The following DCPH1 variants were observed in gnomAD, a reference collection of about 807,000 sequenced individuals.
The protein encoded by DCPH1 is damage-control phosphatase 1.
At chr6:151,463,861 C>T in the DCPH1 span, among the ~76,000 whole-genome samples, 1 of 152,248 alleles carries the variant, frequency 6.6e-6, no homozygotes, top group Non-Finnish European at 1.5e-5. Flanking sequence ...CACTGGAAAA[C>T]ATGAAGGTGT....
chr6:151,468,739 T>C, the DCPH1 span: 1 of 1,614,202 alleles, frequency 6.2e-7, no homozygotes, highest in Non-Finnish European at 8.5e-7. Context: ...TGGGGCTGAC[T>C]GGGAAGAGTA....
chr6:151,459,606 G>A, the DCPH1 span, among the ~76,000 whole-genome samples: 2 of 152,010 alleles, frequency 1.3e-5, no homozygotes, highest in African/African-American at 4.8e-5. Context: ...AGCCTGGTGA[G>A]CGTGGCGAAA....
At chr6:151,468,734 C>G in the DCPH1 span, 1 of 1,614,100 alleles carries the variant, frequency 6.2e-7, no homozygotes, top group Non-Finnish European at 8.5e-7. Flanking sequence ...AAGTGTGGGG[C>G]TGACTGGGAA....
At chr6:151,454,856 C>A in the DCPH1 span, among the ~76,000 whole-genome samples, 2 of 152,130 alleles carry the variant, frequency 1.3e-5, no homozygotes, top group African/African-American at 2.4e-5. Flanking sequence ...ATAATTAATT[C>A]TGTCAGTTAT....
At chr6:151,459,752 C>T in the DCPH1 span, among the ~76,000 whole-genome samples, 4 of 152,042 alleles carry the variant, frequency 2.6e-5, no homozygotes, top group Admixed American at 6.6e-5. Flanking sequence ...ATTACACCAC[C>T]GCACTCCAGC....
At chr6:151,454,623 TA>T in the DCPH1 span, 1 of 1,573,772 alleles carries the variant, frequency 6.4e-7, no homozygotes, top group Non-Finnish European at 8.7e-7. Context: ...TGCATCGACA[TA>T]AAAGTGAATT....
the DCPH1 span, chr6:151,469,112 T>C: frequency 6.3e-7 from 1 of 1,599,742 alleles, no homozygotes; most frequent in Non-Finnish European, 8.5e-7. Context: ...CCCCTTTGAC[T>C]TGATTTAGGA....
At chr6:151,452,656 G>T in the DCPH1 span, 2 of 1,461,496 alleles carry the variant, frequency 1.4e-6, no homozygotes, top group Non-Finnish European at 1.8e-6. Context: ...TGGGGACTAA[G>T]CGGAGGGCGC....
At chr6:151,465,099 A>G in the DCPH1 span, among the ~76,000 whole-genome samples, 2 of 152,240 alleles carry the variant, frequency 1.3e-5, no homozygotes, top group African/African-American at 4.8e-5. Context: ...AGTGCTGAGC[A>G]CAGAGCCTGG....
chr6:151,469,171 A>G, the DCPH1 span: 1 of 1,426,046 alleles, frequency 7.0e-7, no homozygotes, highest in Non-Finnish European at 9.4e-7. Context: ...CATCCCCAGA[A>G]AAGGAGCACG....
the DCPH1 span, chr6:151,464,489 A>C: frequency 6.2e-7 from 1 of 1,609,872 alleles, no homozygotes. Context: ...TTAAAGAATC[A>C]AAAGAGCAAA....
the DCPH1 span, among the ~76,000 whole-genome samples, chr6:151,458,793 T>G: frequency 2.1e-4 from 32 of 152,206 alleles, no homozygotes; most frequent in Non-Finnish European, 3.8e-4. Context: ...TTTAACAGAT[T>G]CTTGGCAATT....
the DCPH1 span, chr6:151,464,684 A>G: frequency 1.0e-6 from 1 of 1,003,294 alleles, no homozygotes; most frequent in Admixed American, 3.3e-5. Flanking sequence ...CTATACAGTT[A>G]ACAAAACATG....
At chr6:151,454,714 T>C in the DCPH1 span, 1 of 790,500 alleles carries the variant, frequency 1.3e-6, no homozygotes. Context: ...TAATAAATAG[T>C]TCTTGAAGGT....
At chr6:151,469,098 T>C in the DCPH1 span, 4 of 1,608,514 alleles carry the variant, frequency 2.5e-6, no homozygotes, top group Non-Finnish European at 3.4e-6. Context: ...TTCAGTACGA[T>C]GGTCCCCTTT....
the DCPH1 span, chr6:151,468,316 G>T: frequency 1.3e-6 from 2 of 1,488,674 alleles, no homozygotes; most frequent in South Asian, 1.4e-5. Flanking sequence ...GAAGAAGGGT[G>T]AATATTTTGT....
chr6:151,467,517 A>G, the DCPH1 span, among the ~76,000 whole-genome samples: 2 of 152,118 alleles, frequency 1.3e-5, no homozygotes, highest in East Asian at 1.9e-4. Context: ...TATTTGGTAC[A>G]TTATTTACAT....
the DCPH1 span, chr6:151,468,665 T>G: frequency 6.2e-7 from 1 of 1,613,908 alleles, no homozygotes; most frequent in Non-Finnish European, 8.5e-7. Context: ...GATACTACTA[T>G]ACATGATTTT....
At chr6:151,458,562 A>C in the DCPH1 span, 44 of 1,609,574 alleles carry the variant, frequency 2.7e-5, no homozygotes, top group Admixed American at 1.0e-4. Flanking sequence ...TCATGAAGCA[A>C]TTATCCAGAG....
Sources: allele counts gnomAD v4.1 joint callset (sites outside exome capture counted in the v4.1 genomes callset), GRCh38; gene constraint gnomAD v4.1.1; transcripts MANE v1.5; gene names NCBI Gene and HGNC (gene_info 2026-07-23, HGNC 2026-07-21).